Variants in ATP6V1C1 observed in about 807,000 individuals in gnomAD.
ATP6V1C1 encodes the protein V-type proton ATPase subunit C 1.
Under a neutral mutation model 53.9 loss-of-function variants are expected in ATP6V1C1, and 45 were observed. That is an observed-to-expected ratio of 0.83 (90% CI 0.66 to 1.07). ATP6V1C1 has a LOEUF of 1.07. Ranked by LOEUF, ATP6V1C1 falls within the 50% of genes least tolerant of loss-of-function variation. The probability of loss-of-function intolerance (pLI) is 0.00; values close to 1 mark genes in which losing one functional copy is unlikely to be tolerated. For synonymous variants in ATP6V1C1, 153 were observed against 155.2 expected, an observed-to-expected ratio of 0.99 and a Z score of 0.11; for missense variants, 315 against 440.3, an observed-to-expected ratio of 0.72 and a Z score of 2.55.
At chr8:103,057,543 A>T (rs780980170) in intron 8 of ATP6V1C1, among the ~76,000 whole-genome samples, 1 of 152,082 alleles carries the variant, frequency 6.6e-6, no homozygotes, top group Non-Finnish European at 1.5e-5. Flanking sequence ...TTTCCTTTCA[A>T]TTTAGTTCTA....
intron 1 of ATP6V1C1, among the ~76,000 whole-genome samples, chr8:103,026,518 A>G (rs1816695912): frequency 6.6e-6 from 1 of 152,244 alleles, no homozygotes; most frequent in Non-Finnish European, 1.5e-5. Flanking sequence ...TATTTAAGAA[A>G]GGCGGGGCTG....
intron 4 of ATP6V1C1, 139 bp downstream of exon 4, chr8:103,049,094 T>A (rs977878995): frequency 6.7e-5 from 50 of 741,726 alleles, no homozygotes; most frequent in Non-Finnish European, 9.6e-5. Flanking sequence ...CAATTATTAT[T>A]ACTGAATTTG....
chr8:103,065,532 G>A (rs1244978178), intron 11 of ATP6V1C1, among the ~76,000 whole-genome samples: 1 of 152,066 alleles, frequency 6.6e-6, no homozygotes, highest in Non-Finnish European at 1.5e-5. Context: ...TTGCACCACT[G>A]CACTCCAGCC....
At chr8:103,021,797 T>C (rs1196600915) in intron 1 of ATP6V1C1, among the ~76,000 whole-genome samples, 1 of 151,500 alleles carries the variant, frequency 6.6e-6, no homozygotes, top group Admixed American at 6.6e-5. Context: ...TGGGGGAGGG[T>C]AGGCAAACAA....
intron 1 of ATP6V1C1, among the ~76,000 whole-genome samples, chr8:103,021,900 A>G (rs1176525520): frequency 2.6e-5 from 4 of 152,218 alleles, no homozygotes; most frequent in African/African-American, 9.7e-5. Context: ...GTAAGGGGGA[A>G]GCTAGTATTC....
At chr8:103,059,810 CAA>C (rs1183980960) in intron 8 of ATP6V1C1, among the ~76,000 whole-genome samples, 1 of 151,624 alleles carries the variant, frequency 6.6e-6, no homozygotes, top group Non-Finnish European at 1.5e-5. Context: ...TTGTGACATA[CAA>C]ATGTGTTGCT....
intron 3 of ATP6V1C1, among the ~76,000 whole-genome samples, chr8:103,043,073 G>A (rs1222099261): frequency 6.6e-6 from 1 of 152,116 alleles, no homozygotes; most frequent in African/African-American, 2.4e-5. Context: ...GTAGAAGTTT[G>A]TGTTCTTAAA....
At position 103,072,598 on chromosome 8, in the gene ATP6V1C1, A is replaced by C. The variant is rs1165240511; in HGVS notation, c.*3851A>C. On this transcript the variant is annotated 3_prime_UTR_variant, in exon 13 of 13. Transcript: ENST00000518738. ...CACCCATTTCAATATTGCACTTATT[A>C]ATGGTCTTTATTTTTCTAGCATAGA... 6.6e-6 allele frequency: 1 copy of C among 152,250 alleles called. No homozygotes were observed. The highest frequency in any genetic ancestry group is 1.5e-5 in the Non-Finnish European group (1 of 68,044). The allele number at this position is 152,250 out of a possible 1,614,324, so 9.4% of individuals were successfully genotyped here.
At chr8:103,057,508 TTAC>T (rs1817310919) in intron 8 of ATP6V1C1, among the ~76,000 whole-genome samples, 1 of 152,216 alleles carries the variant, frequency 6.6e-6, no homozygotes, top group South Asian at 2.1e-4. Flanking sequence ...GGTCCTTTTG[TTAC>T]TTAGGCGTGG....
Position 103,029,656 on chromosome 8 carries a change from A to G in ATP6V1C1, c.-40+8431A>G, listed in dbSNP as rs72669332. 8.2e-3 allele frequency among the ~76,000 whole-genome samples: 1,248 copies of G among 152,330 alleles called. 7 individuals carry two copies. The highest frequency in any genetic ancestry group is 0.014 in the Non-Finnish European group (963 of 68,040). Reference sequence around the variant, plus strand: ...TTATTTTAGAAATAGATGATGTAGTATATCTAAGATATATTTTAGATATTT... The same window carrying G: ...TTATTTTAGAAATAGATGATGTAGTGTATCTAAGATATATTTTAGATATTT... On this transcript the variant is annotated intron_variant, in intron 1 of 12. Transcript: ENST00000518738.
chr8:103,040,682 C>T, intron 1 of ATP6V1C1, 116 bp from the exon 2 acceptor site: 1 of 862,554 alleles, frequency 1.2e-6, no homozygotes. Flanking sequence ...AGATCCTATG[C>T]CAACATTAGA....
At position 103,071,014 on chromosome 8, in the gene ATP6V1C1, A is replaced by G. The variant is rs1394245052; in HGVS notation, c.*2267A>G. On this transcript the variant is annotated 3_prime_UTR_variant, in exon 13 of 13. Coordinates refer to ENST00000518738, the MANE Select transcript of ATP6V1C1 (RefSeq NM_001695.5). ...TACTTAGCCCTTGGGGAACACAGGT[A>G]GTTCCTTTTCACTGTGTTTAATTTG... is the stretch of plus-strand genomic sequence containing the variant. 2 of 152,310 alleles carry G rather than the reference A, an allele frequency of 1.3e-5. No homozygotes were observed. The highest frequency in any genetic ancestry group is 1.3e-4 in the Admixed American group (2 of 15,286). The allele number at this position is 152,310 out of a possible 1,614,324, so 9.4% of individuals were successfully genotyped here. A position where few individuals can be genotyped will look rare whatever the true frequency, so the allele number is the denominator to read the frequency against.
At chr8:103,061,640 G>A (rs999102406) in intron 8 of ATP6V1C1, among the ~76,000 whole-genome samples, 4 of 152,164 alleles carry the variant, frequency 2.6e-5, no homozygotes, top group African/African-American at 9.7e-5. Flanking sequence ...GGTTTCATGG[G>A]TATATGCGTA....
chr8:103,031,747 A>T (rs1816799683), intron 1 of ATP6V1C1, among the ~76,000 whole-genome samples: 1 of 152,210 alleles, frequency 6.6e-6, no homozygotes, highest in Admixed American at 6.5e-5. Context: ...ACACAGTGAG[A>T]AAAACAACTG....
intron 1 of ATP6V1C1, among the ~76,000 whole-genome samples, chr8:103,039,493 T>G (rs913498911): frequency 6.6e-6 from 1 of 152,220 alleles, no homozygotes; most frequent in Non-Finnish European, 1.5e-5. Context: ...GATTTTGTTC[T>G]CAGGACAACT....
chr8:103,047,769 G>C (rs1455939238), intron 3 of ATP6V1C1, among the ~76,000 whole-genome samples: 4 of 152,126 alleles, frequency 2.6e-5, no homozygotes, highest in Non-Finnish European at 4.4e-5. Context: ...CCATGGCAAC[G>C]ATATGCTTTC....
chr8:103,060,666 A>G (rs1461818443), intron 8 of ATP6V1C1, among the ~76,000 whole-genome samples: 1 of 152,186 alleles, frequency 6.6e-6, no homozygotes, highest in Non-Finnish European at 1.5e-5. Flanking sequence ...TTATTTTTTA[A>G]ACAGTTTTAA....
At chr8:103,044,930 A>G (rs984315733) in intron 3 of ATP6V1C1, among the ~76,000 whole-genome samples, 1 of 152,130 alleles carries the variant, frequency 6.6e-6, no homozygotes, top group African/African-American at 2.4e-5. Flanking sequence ...GTTTTTCTAA[A>G]TTGCAGTTTT....
At chr8:103,067,391 C>T (rs1283795897) in intron 12 of ATP6V1C1, among the ~76,000 whole-genome samples, 13 of 126,492 alleles carry the variant, frequency 1.0e-4, no homozygotes, top group South Asian at 2.5e-4. Flanking sequence ...AGGGAGACTC[C>T]GTCCCAAAAA....
Sources: allele counts gnomAD v4.1 joint callset (sites outside exome capture counted in the v4.1 genomes callset), GRCh38; gene constraint gnomAD v4.1.1; transcripts MANE v1.5; gene names NCBI Gene and HGNC (gene_info 2026-07-23, HGNC 2026-07-21).